Variants in ADGRE2 observed in about 807,000 individuals in gnomAD.
The protein encoded by ADGRE2 is adhesion G protein-coupled receptor E2, also known as CD97 antigen.
Under a neutral mutation model 100.8 loss-of-function variants are expected in ADGRE2, and 83 were observed. The ratio of observed to expected loss-of-function variants is 0.82; its 90% CI spans 0.69 to 0.99. ADGRE2 has a LOEUF of 0.99. Ranked by LOEUF, ADGRE2 falls within the 50% of genes least tolerant of loss-of-function variation. The probability of loss-of-function intolerance (pLI) is 0.00; values close to 1 mark genes in which losing one functional copy is unlikely to be tolerated. For synonymous variants in ADGRE2, 355 were observed against 413.0 expected, an observed-to-expected ratio of 0.86 and a Z score of 1.70; for missense variants, 814 against 1,035.7, an observed-to-expected ratio of 0.79 and a Z score of 2.94.
chr19:14,770,669 C>CTTT lies in ADGRE2; in HGVS notation c.355+1670_355+1672dup, dbSNP rs775214778. Among the ~76,000 whole-genome samples, 23 of 85,002 alleles carry CTTT rather than the reference C, an allele frequency of 2.7e-4. 2 individuals carry two copies. The highest frequency in any genetic ancestry group is 9.2e-4 in the African/African-American group (20 of 21,626). The allele number at this position is 85,002 out of a possible 152,430, so 55.8% of individuals were successfully genotyped here. ...CTTTTTCTTTTTGTTTCTTTCTTTT[C>CTTT]TTTTTTTTTTTTTTTTTTTTTTTTT... On this transcript the variant is annotated intron_variant, in intron 5 of 20. Transcript: ENST00000315576.
chr19:14,749,351 A>G (rs1363476506), intron 16 of ADGRE2, among the ~76,000 whole-genome samples: 2 of 143,990 alleles, frequency 1.4e-5, no homozygotes, highest in Non-Finnish European at 3.0e-5. Flanking sequence ...ATATGATAAT[A>G]TATGATTATA....
rs1273919891 is a variant in ADGRE2 at position 14,776,880 on chromosome 19, G to C, written c.-124C>G. The C allele has an allele frequency of 6.5e-7, 1 of 1,531,902 alleles. No homozygotes were observed. Among genetic ancestry groups the C allele is most frequent in the Non-Finnish European group, 8.8e-7 (1 of 1,136,784 alleles). 94.9% of individuals were successfully genotyped at this position (1,531,902 alleles called of 1,614,324 possible). A position where few individuals can be genotyped will look rare whatever the true frequency, so the allele number is the denominator to read the frequency against. On this transcript the variant is annotated 5_prime_UTR_variant, in exon 2 of 21. Transcript: ENST00000315576. Reference sequence around the variant, plus strand: ...AGGCCAGGACTTTATAAAGGAGGGGGGGCGGACAGCCGCTGGCCCAGGGCC... The same window carrying C: ...AGGCCAGGACTTTATAAAGGAGGGGCGGCGGACAGCCGCTGGCCCAGGGCC...
At chr19:14,771,621 C>CTTATTTAT (rs369899556) in intron 5 of ADGRE2, among the ~76,000 whole-genome samples, 57,124 of 143,200 alleles carry the variant, frequency 0.4, 11,785 homozygotes, top group East Asian at 0.53. Flanking sequence ...GCATCCATTG[C>CTTATTTAT]TTATTTATTT....
rs907690549 is a variant in ADGRE2 at position 14,764,505 on chromosome 19, C to G, written c.1012G>C (p.Glu338Gln). The change falls in exon 11 of 21, where the codon GAG (glutamate) becomes CAG (glutamine). Residue 338 changes from glutamate (E) to glutamine (Q), a missense_variant. This residue lies in a region of ADGRE2 where 569 missense variants were observed against 692.7 expected (regional missense o/e 0.82). Coordinates refer to ENST00000315576, the MANE Select transcript of ADGRE2 (RefSeq NM_013447.4). ...TTGCTCAGGCCTCTGAGGACATCCT[C>G]TAGGCCATCCAGCAGGTGACTGGCC... Reference protein sequence around the residue: ...CVASHLLDGLEDVLRGLSKNL... With the variant: ...CVASHLLDGLQDVLRGLSKNL... 3 of 1,612,986 alleles carry G rather than the reference C, an allele frequency of 1.9e-6. No homozygotes were observed. Among genetic ancestry groups the G allele is most frequent in the African/African-American group, 2.7e-5 (2 of 74,944 alleles).
At chr19:14,760,260 T>C (rs1053584264) in intron 11 of ADGRE2, among the ~76,000 whole-genome samples, 1 of 152,220 alleles carries the variant, frequency 6.6e-6, no homozygotes, top group African/African-American at 2.4e-5. Flanking sequence ...ATACCTGAGA[T>C]ACCCTGACTT....
At chr19:14,725,490 A>G in the ADGRE2 span, among the ~76,000 whole-genome samples, 1 of 152,146 alleles carries the variant, frequency 6.6e-6, no homozygotes, top group African/African-American at 2.4e-5. Context: ...CCCAAGTCCC[A>G]AGTCAAAAGT....
At position 14,734,192 on chromosome 19, in the gene ADGRE2, A is replaced by G. The variant is rs757794774; in HGVS notation, c.*2044T>C. On this transcript the variant is annotated 3_prime_UTR_variant, in exon 21 of 21. Transcript: ENST00000315576. ...GGGATGGCCTCAGGCAAGTCACTTAACATTCAGGATCTCAATTTCTCTTTT... is the reference window on the plus strand; with the variant it reads ...GGGATGGCCTCAGGCAAGTCACTTAGCATTCAGGATCTCAATTTCTCTTTT... 1.3e-5 allele frequency: 2 copies of G among 152,222 alleles called. No homozygotes were observed. The highest frequency in any genetic ancestry group is 2.4e-5 in the African/African-American group (1 of 41,462). The allele number at this position is 152,222 out of a possible 1,614,324, so 9.4% of individuals were successfully genotyped here.
intron 4 of ADGRE2, among the ~76,000 whole-genome samples, chr19:14,772,940 A>G (rs1266264562): frequency 6.6e-6 from 1 of 151,580 alleles, no homozygotes; most frequent in Admixed American, 6.6e-5. Flanking sequence ...CTAGCCGGGC[A>G]TGGTGGTGCA....
At chr19:14,748,795 G>T (rs943919170) in intron 16 of ADGRE2, among the ~76,000 whole-genome samples, 1 of 152,108 alleles carries the variant, frequency 6.6e-6, no homozygotes, top group Non-Finnish European at 1.5e-5. Flanking sequence ...CGAGGCCAGT[G>T]TTACTCTGAC....
At chr19:14,728,161 C>T (rs922304284), downstream of ADGRE2, among the ~76,000 whole-genome samples, 10 of 152,054 alleles carry the variant, frequency 6.6e-5, no homozygotes, top group Non-Finnish European at 8.8e-5. Context: ...TGCAGTGAGC[C>T]GAGATTGTGC....
chr19:14,773,306 T>G (rs142798902), intron 4 of ADGRE2, among the ~76,000 whole-genome samples: 2 of 144,780 alleles, frequency 1.4e-5, no homozygotes, highest in African/African-American at 5.2e-5. Flanking sequence ...TCCTTCCTTC[T>G]TTCCTCCCTC....
rs2042715716 is a variant in ADGRE2, at chr19:14,734,538, A to G, written c.*1698T>C. 6.6e-6 allele frequency: 1 copy of G among 152,124 alleles called. No individual in the cohort carries two copies. The highest frequency in any genetic ancestry group is 1.9e-4 in the East Asian group (1 of 5,182). 9.4% of individuals were successfully genotyped at this position (152,124 alleles called of 1,614,324 possible). ...CCTGCCTCAAAAAAAATTAGAATCTACCAGGTTGAGTTGCTTTTGGAACTT... is the reference window on the plus strand; with the variant it reads ...CCTGCCTCAAAAAAAATTAGAATCTGCCAGGTTGAGTTGCTTTTGGAACTT... On this transcript the variant is annotated 3_prime_UTR_variant, in exon 21 of 21. Transcript: ENST00000315576.
intron 18 of ADGRE2, among the ~76,000 whole-genome samples, chr19:14,744,013 G>T (rs1293835944): frequency 1.3e-5 from 2 of 152,156 alleles, no homozygotes; most frequent in Non-Finnish European, 2.9e-5. Flanking sequence ...GCCAAGGCAG[G>T]CAGATCACCT....
the ADGRE2 span, among the ~76,000 whole-genome samples, chr19:14,725,954 CG>C: frequency 1.1e-4 from 16 of 152,254 alleles, no homozygotes; most frequent in African/African-American, 3.6e-4. Flanking sequence ...TGTGGGGGTA[CG>C]GGGGAATCCA....
At chr19:14,763,592 TTCCTCTAC>T (rs763711620) in intron 11 of ADGRE2, among the ~76,000 whole-genome samples, 4 of 150,520 alleles carry the variant, frequency 2.7e-5, no homozygotes, top group Non-Finnish European at 4.4e-5. Context: ...TTCTTCCTTC[TTCCTCTAC>T]TCCTCTCCTC....
chr19:14,773,105 A>G (rs2044278214), intron 4 of ADGRE2, among the ~76,000 whole-genome samples: 1 of 149,324 alleles, frequency 6.7e-6, no homozygotes, highest in African/African-American at 2.5e-5. Context: ...AAAACAAAAA[A>G]AAAAAGAAAA....
chr19:14,763,175 C>G (rs1048488588), intron 11 of ADGRE2, among the ~76,000 whole-genome samples: 2 of 151,934 alleles, frequency 1.3e-5, no homozygotes, highest in African/African-American at 4.8e-5. Context: ...AACCCCGTCT[C>G]TACTAAAAAT....
downstream of ADGRE2, among the ~76,000 whole-genome samples, chr19:14,727,444 C>T (rs2524358): frequency 0.17 from 26,547 of 152,042 alleles, 2,582 homozygotes; most frequent in Non-Finnish European, 0.21. Flanking sequence ...GAAAGCAAAG[C>T]GGGAGCAGGC....
chr19:14,753,666 T>C (rs750540545), intron 14 of ADGRE2, among the ~76,000 whole-genome samples: 7 of 151,914 alleles, frequency 4.6e-5, no homozygotes, highest in Non-Finnish European at 7.4e-5. Context: ...TGGTGGTGCA[T>C]GCCTGTAGTC....
Sources: gnomAD v4.1 joint callset for allele counts (sites outside exome capture counted in the v4.1 genomes callset) on GRCh38, gnomAD v4.1.1 for gene constraint, gnomAD v4.1.1 regional missense constraint, MANE v1.5 for transcripts, NCBI Gene and HGNC (gene_info 2026-07-23, HGNC 2026-07-21) for gene names.